The following FOXN3 variants were observed in gnomAD, a reference collection of about 807,000 sequenced individuals.
FOXN3 encodes the protein forkhead box protein N3.
A neutral mutation model predicts 38.4 loss-of-function variants in FOXN3; 7 were observed. The observed-to-expected ratio is 0.18, with a 90% CI of 0.10 to 0.34. The LOEUF (loss-of-function observed/expected upper bound fraction) is 0.34, where lower values mean the gene tolerates loss of function less well. Among genes scored for constraint, FOXN3 ranks in the 10% least tolerant of loss-of-function variants. The probability of loss-of-function intolerance (pLI) is 1.00; values close to 1 mark genes in which losing one functional copy is unlikely to be tolerated. For missense variants in FOXN3, 456 were observed against 613.4 expected (o/e 0.74, Z 2.71); for synonymous variants, 230 against 242.2 (o/e 0.95, Z 0.47).
chr14:89,344,039 G>A (rs1457425762), intron 3 of FOXN3, among the ~76,000 whole-genome samples: 1 of 152,142 alleles, frequency 6.6e-6, no homozygotes, highest in Non-Finnish European at 1.5e-5. Context: ...TGGGATTACA[G>A]GCGTGAGCCA....
chr14:89,377,718 T>C lies in FOXN3; in HGVS notation c.544-26910A>G, dbSNP rs74862998. On this transcript the variant is annotated intron_variant, in intron 2 of 5. Transcript: ENST00000557258. The stretch of plus-strand genomic sequence containing the variant: ...GCAGAGAGAACCTGCCCTCTACCCA[T>C]CTCCACAGGTGTTACAAAATGAACT... 2.4e-3 allele frequency among the ~76,000 whole-genome samples: 361 copies of C among 152,306 alleles called. 1 individual carries two copies. The highest frequency in any genetic ancestry group is 8.1e-3 in the African/African-American group (338 of 41,572).
intron 4 of FOXN3, among the ~76,000 whole-genome samples, chr14:89,262,856 A>G (rs1001308441): frequency 6.6e-6 from 1 of 152,260 alleles, no homozygotes; most frequent in Non-Finnish European, 1.5e-5. Flanking sequence ...GAAGATAACA[A>G]ATGGTTCACT....
intron 4 of FOXN3, among the ~76,000 whole-genome samples, chr14:89,205,872 C>T (rs527764294): frequency 6.6e-6 from 1 of 152,356 alleles, no homozygotes; most frequent in South Asian, 2.1e-4. Context: ...GGGGTTTGAG[C>T]AATGGGGCAC....
At chr14:89,328,772 C>T (rs1888152446) in intron 3 of FOXN3, among the ~76,000 whole-genome samples, 1 of 152,242 alleles carries the variant, frequency 6.6e-6, no homozygotes, top group Non-Finnish European at 1.5e-5. Context: ...AATTACATCA[C>T]AGATAATTCC....
intron 1 of FOXN3, among the ~76,000 whole-genome samples, chr14:89,453,201 A>T (rs530285327): frequency 6.6e-6 from 1 of 151,720 alleles, no homozygotes; most frequent in Non-Finnish European, 1.5e-5. Flanking sequence ...CTCCGTCTCA[A>T]AAAAAAAGAA....
At chr14:89,498,016 G>A (rs1055506632) in intron 1 of FOXN3, among the ~76,000 whole-genome samples, 1 of 151,928 alleles carries the variant, frequency 6.6e-6, no homozygotes, top group Non-Finnish European at 1.5e-5. Context: ...GTGACATTGA[G>A]CATTTTTTTA....
At chr14:89,492,126 G>A (rs1325898224) in intron 1 of FOXN3, among the ~76,000 whole-genome samples, 1 of 152,196 alleles carries the variant, frequency 6.6e-6, no homozygotes, top group Admixed American at 6.5e-5. Context: ...TTGTTCTCCA[G>A]TGTCAGAGTC....
Position 89,232,774 on chromosome 14 carries a change from G to A in FOXN3, c.745+48176C>T, listed in dbSNP as rs573958079. ...CATAATTTGAGGAAAGCTGGCGAGAGCGTCAATTTCTCTGAGAGGCTGGTC... is the reference window on the plus strand; with the variant it reads ...CATAATTTGAGGAAAGCTGGCGAGAACGTCAATTTCTCTGAGAGGCTGGTC... On this transcript the variant is annotated intron_variant, in intron 4 of 5. Transcript: ENST00000557258. Among the ~76,000 whole-genome samples, 3 of 152,320 alleles carry A rather than the reference G, an allele frequency of 2.0e-5. No homozygotes were observed. In the South Asian group the frequency reaches 6.2e-4, roughly 32 times the overall value.
chr14:89,550,423 T>G (rs879728186), intron 1 of FOXN3, among the ~76,000 whole-genome samples: 2 of 152,186 alleles, frequency 1.3e-5, no homozygotes, highest in Non-Finnish European at 2.9e-5. Context: ...CTTCCCCATT[T>G]CCTGGACAAT....
At chr14:89,609,332 A>G (rs1896345492) in intron 1 of FOXN3, among the ~76,000 whole-genome samples, 1 of 152,104 alleles carries the variant, frequency 6.6e-6, no homozygotes, top group African/African-American at 2.4e-5. Flanking sequence ...CCTCCCGAGT[A>G]GCTGGAACCA....
At chr14:89,204,852 A>T (rs1380828025) in intron 4 of FOXN3, among the ~76,000 whole-genome samples, 2 of 152,132 alleles carry the variant, frequency 1.3e-5, no homozygotes, top group Admixed American at 1.3e-4. Flanking sequence ...CCATCCATCC[A>T]TCCATCCATC....
intron 4 of FOXN3, among the ~76,000 whole-genome samples, chr14:89,220,179 T>C (rs1373690937): frequency 1.3e-5 from 2 of 152,168 alleles, no homozygotes; most frequent in Non-Finnish European, 2.9e-5. Context: ...TTGGATTCAT[T>C]TGCGGCCTCC....
intron 3 of FOXN3, chr14:89,290,281 A>T (rs553383658): frequency 3.4e-5 from 11 of 323,854 alleles, no homozygotes; most frequent in Non-Finnish European, 5.5e-5. Flanking sequence ...CACCCTGACG[A>T]ATAAGTATAT....
At position 89,615,650 on chromosome 14, in the gene FOXN3, T is replaced by A. The variant is rs1896481159; in HGVS notation, c.-15+3378A>T. ...AAGCAACTGACATGTTTCCTGCCAA[T>A]GAACACACTTGCAGATAAGAAAGCT... On this transcript the variant is annotated intron_variant, in intron 1 of 6. Transcript: ENST00000345097. 1.3e-5 allele frequency among the ~76,000 whole-genome samples: 2 copies of A among 152,198 alleles called. 1 individual carries two copies. The highest frequency in any genetic ancestry group is 4.1e-4 in the South Asian group (2 of 4,832).
At chr14:89,184,236 A>T (rs994826596) in intron 4 of FOXN3, 1 of 152,256 alleles carries the variant, frequency 6.6e-6, no homozygotes, top group African/African-American at 2.4e-5. Flanking sequence ...GTCATATCAG[A>T]GCCACCCTTG....
intron 1 of FOXN3, among the ~76,000 whole-genome samples, chr14:89,516,728 AT>A (rs1294943727): frequency 6.6e-6 from 1 of 151,622 alleles, no homozygotes. Flanking sequence ...CGCCTGGCTA[AT>A]TTTTTTTATT....
chr14:89,420,608 A>G (rs935584700), upstream of FOXN3, among the ~76,000 whole-genome samples: 4 of 152,208 alleles, frequency 2.6e-5, no homozygotes, highest in Non-Finnish European at 4.4e-5. Context: ...GATGGCACAG[A>G]ATTACCAAAT....
At chr14:89,320,297 G>A (rs893683620) in intron 3 of FOXN3, among the ~76,000 whole-genome samples, 9 of 152,138 alleles carry the variant, frequency 5.9e-5, no homozygotes, top group African/African-American at 1.2e-4. Context: ...TTCATTCAGC[G>A]TATTCTATCT....
intron 2 of FOXN3, among the ~76,000 whole-genome samples, chr14:89,411,564 C>T (rs183521270): frequency 1.3e-4 from 20 of 152,328 alleles, no homozygotes; most frequent in South Asian, 4.1e-4. Context: ...AGTGTATATA[C>T]ACACACATAC....
Sources: allele counts gnomAD v4.1 joint callset (sites outside exome capture counted in the v4.1 genomes callset), GRCh38; gene constraint gnomAD v4.1.1; transcripts MANE v1.5; gene names NCBI Gene and HGNC (gene_info 2026-07-23, HGNC 2026-07-21).